The following SGIP1 variants were observed in gnomAD, a reference collection of about 807,000 sequenced individuals.
SGIP1 encodes the protein SH3-containing GRB2-like protein 3-interacting protein 1.
In SGIP1, 38 loss-of-function variants were observed where a neutral mutation model predicts 107.5. The observed-to-expected ratio is 0.35, with a 90% CI of 0.27 to 0.46. The LOEUF is 0.46. Ranked by LOEUF, SGIP1 falls within the 20% of genes least tolerant of loss-of-function variation. The pLI is 1.00. For synonymous variants in SGIP1, 365 were observed against 366.1 expected, an observed-to-expected ratio of 1.00 and a Z score of 0.03; for missense variants, 929 against 1,019.5, an observed-to-expected ratio of 0.91 and a Z score of 1.21.
At chr1:66,591,973 C>T (rs2063717046) in intron 1 of SGIP1, among the ~76,000 whole-genome samples, 1 of 152,182 alleles carries the variant, frequency 6.6e-6, no homozygotes, top group Non-Finnish European at 1.5e-5. Context: ...TCACCTCCAG[C>T]CATAAGGTGG....
Position 66,716,584 on chromosome 1 carries a change from T to TGCTC in SGIP1, c.1631-2709_1631-2706dup, listed in dbSNP as rs2093257545. On this transcript the variant is annotated intron_variant, in intron 18 of 24. Transcript: ENST00000371037. ...ACTTCATACATTTACATAGCTAGCA[T>TGCTC]GCTCTAAACTCAAGTCCATTGTTTC... 2.6e-5 allele frequency among the ~76,000 whole-genome samples: 4 copies of TGCTC among 152,210 alleles called. No homozygotes were observed. The South Asian group carries it at 8.3e-4, about 32-fold the overall frequency.
intron 1 of SGIP1, among the ~76,000 whole-genome samples, chr1:66,585,104 G>T (rs2062405889): frequency 6.6e-6 from 1 of 152,012 alleles, no homozygotes. Context: ...CTTCCCTCTG[G>T]GTCTATCTCC....
intron 18 of SGIP1, among the ~76,000 whole-genome samples, chr1:66,697,446 C>T (rs902442326): frequency 2.3e-4 from 35 of 152,220 alleles, no homozygotes; most frequent in African/African-American, 7.9e-4. Flanking sequence ...ATCTCTAGTA[C>T]TGTATTATCT....
intron 8 of SGIP1, among the ~76,000 whole-genome samples, chr1:66,663,670 G>C (rs1382042919): frequency 2.6e-5 from 4 of 152,086 alleles, no homozygotes; most frequent in Non-Finnish European, 5.9e-5. Flanking sequence ...TGTTTAATCA[G>C]CCTGTGACTA....
intron 1 of SGIP1, among the ~76,000 whole-genome samples, chr1:66,608,393 T>C (rs2067260758): frequency 6.6e-6 from 1 of 152,236 alleles, no homozygotes; most frequent in Non-Finnish European, 1.5e-5. Flanking sequence ...TATATATTCT[T>C]GCTAATACAT....
intron 1 of SGIP1, among the ~76,000 whole-genome samples, chr1:66,600,004 A>C (rs1008295606): frequency 6.6e-6 from 1 of 152,276 alleles, no homozygotes; most frequent in East Asian, 1.9e-4. Flanking sequence ...CCAAGGTCCA[A>C]TGAATGCTGA....
rs536163837 is a variant in SGIP1, at chr1:66,742,712, G to A, written c.2465-361G>A. On this transcript the variant is annotated intron_variant, in intron 24 of 24. Coordinates refer to ENST00000371037, the MANE Select transcript of SGIP1 (RefSeq NM_032291.4). Reference sequence around the variant, plus strand: ...TCTCGATCTCCTGACCTCGTGATCCGCCCGCCTCGGCCTCCCAAAGTGCTG... The same window carrying A: ...TCTCGATCTCCTGACCTCGTGATCCACCCGCCTCGGCCTCCCAAAGTGCTG... Among the ~76,000 whole-genome samples, 7 of 148,706 alleles carry A rather than the reference G, an allele frequency of 4.7e-5. No individual in the cohort carries two copies. The South Asian group carries it at 8.4e-4, about 18-fold the overall frequency.
At chr1:66,650,067 G>A (rs2078444948) in intron 7 of SGIP1, among the ~76,000 whole-genome samples, 2 of 152,084 alleles carry the variant, frequency 1.3e-5, no homozygotes, top group South Asian at 4.1e-4. Context: ...AGAGCCTAGG[G>A]CACATTTTAA....
intron 1 of SGIP1, among the ~76,000 whole-genome samples, chr1:66,576,042 A>G (rs933334063): frequency 1.4e-4 from 21 of 152,210 alleles, no homozygotes; most frequent in African/African-American, 5.1e-4. Flanking sequence ...AAAGTGAGCC[A>G]ATATTTATTT....
At chr1:66,562,871 G>T (rs1038567154) in intron 1 of SGIP1, among the ~76,000 whole-genome samples, 2 of 152,026 alleles carry the variant, frequency 1.3e-5, no homozygotes, top group Admixed American at 6.6e-5. Flanking sequence ...GCAGGTGAAA[G>T]GTTCTCTGTG....
At chr1:66,613,938 G>A (rs1442402324) in intron 1 of SGIP1, among the ~76,000 whole-genome samples, 1 of 152,144 alleles carries the variant, frequency 6.6e-6, no homozygotes, top group Non-Finnish European at 1.5e-5. Context: ...AGAAGATGAA[G>A]ATATCTTCTG....
chr1:66,658,973 A>G (rs1196177338), intron 7 of SGIP1, among the ~76,000 whole-genome samples: 2 of 152,184 alleles, frequency 1.3e-5, no homozygotes, highest in African/African-American at 4.8e-5. Context: ...GGAAGCGTGT[A>G]AGTGCACGGC....
At chr1:66,571,898 C>T (rs1045842167) in intron 1 of SGIP1, among the ~76,000 whole-genome samples, 4 of 152,140 alleles carry the variant, frequency 2.6e-5, no homozygotes, top group African/African-American at 9.6e-5. Context: ...CAAATTTACT[C>T]ATCCCTAAAG....
At chr1:66,727,354 C>T (rs1477001286) in intron 19 of SGIP1, among the ~76,000 whole-genome samples, 1 of 152,128 alleles carries the variant, frequency 6.6e-6, no homozygotes, top group African/African-American at 2.4e-5. Flanking sequence ...AAGAAGATAC[C>T]ACTACTCACC....
At chr1:66,724,421 T>C (rs1348701765) in intron 19 of SGIP1, among the ~76,000 whole-genome samples, 6 of 152,170 alleles carry the variant, frequency 3.9e-5, no homozygotes, top group African/African-American at 1.2e-4. Context: ...AATTCTTTGG[T>C]GAGTATAGAA....
intron 1 of SGIP1, among the ~76,000 whole-genome samples, chr1:66,598,107 G>A (rs1313225528): frequency 6.6e-6 from 1 of 152,156 alleles, no homozygotes; most frequent in African/African-American, 2.4e-5. Flanking sequence ...AACCTTAAGT[G>A]TTAAAGATTA....
rs869266510 is a variant in SGIP1, at chr1:66,683,700, C to CTTTTTTTTTTT, written c.1315+1349_1315+1359dup. On this transcript the variant is annotated intron_variant, in intron 15 of 24. Transcript: ENST00000371037. The stretch of plus-strand genomic sequence containing the variant: ...ACCACACTGTTTGTTTGTTTCTTTT[C>CTTTTTTTTTTT]TTTTTTTTTTTTTTTTTTTTTTTTT... 9.4e-4 allele frequency among the ~76,000 whole-genome samples: 58 copies of CTTTTTTTTTTT among 61,390 alleles called. 5 individuals are homozygous for CTTTTTTTTTTT. The highest frequency in any genetic ancestry group is 0.016 in the Middle Eastern group (1 of 64). The allele number at this position is 61,390 out of a possible 152,430, so 40.3% of individuals were successfully genotyped here.
intron 1 of SGIP1, among the ~76,000 whole-genome samples, chr1:66,572,206 G>GT (rs1416683989): frequency 2.0e-5 from 3 of 151,874 alleles, no homozygotes; most frequent in Non-Finnish European, 2.9e-5. Flanking sequence ...ACCTTGCATT[G>GT]TTTTTCTCCT....
intron 1 of SGIP1, among the ~76,000 whole-genome samples, chr1:66,603,231 A>G (rs541061130): frequency 2.0e-5 from 3 of 152,260 alleles, no homozygotes; most frequent in Middle Eastern, 3.4e-3. Context: ...ATGGAAAAAA[A>G]CTTATTTCAG....
Sources: allele counts gnomAD v4.1 joint callset (sites outside exome capture counted in the v4.1 genomes callset), GRCh38; gene constraint gnomAD v4.1.1; transcripts MANE v1.5; gene names NCBI Gene and HGNC (gene_info 2026-07-23, HGNC 2026-07-21).